MED25: variants seen among roughly 807,000 people sequenced by gnomAD.
The protein encoded by MED25 is mediator complex subunit 25.
In MED25, 62 loss-of-function variants were observed where a neutral mutation model predicts 89.4. The observed-to-expected ratio is 0.69, with a 90% CI of 0.57 to 0.86. The LOEUF (loss-of-function observed/expected upper bound fraction) is 0.86. Among genes scored for constraint, MED25 ranks in the 40% least tolerant of loss-of-function variants. MED25 has a pLI of 0.00. For missense variants in MED25, 905 were observed against 1,005.2 expected, an observed-to-expected ratio of 0.90 and a Z score of 1.35; for synonymous variants, 449 against 427.9, an observed-to-expected ratio of 1.05 and a Z score of -0.61.
In MED25 at chr19:49,832,175, GCCAGCCCTGCTGCCGGGCAGT is replaced by G; in HGVS notation, c.1374+21_1374+41del. ...AGCTGCTGGTGAGTGGCGGTGGAGGGCCAGCCCTGCTGCCGGGCAGTCCTCACCCTGCTGTCTCTTTCCTGT... is the reference window on the plus strand; with the variant it reads ...AGCTGCTGGTGAGTGGCGGTGGAGGGCCTCACCCTGCTGTCTCTTTCCTGT... On this transcript the variant is annotated intron_variant, in intron 12 of 17. Coordinates refer to ENST00000312865, the MANE Select transcript of MED25 (RefSeq NM_030973.4). The G allele has an allele frequency of 6.2e-7, 1 of 1,610,812 alleles. No homozygotes were observed. Among genetic ancestry groups the G allele is most frequent in the Middle Eastern group, 2.0e-4 (1 of 4,936 alleles).
downstream of MED25, among the ~76,000 whole-genome samples, chr19:49,837,404 G>A (rs1423848096): frequency 6.6e-6 from 1 of 152,254 alleles, no homozygotes; most frequent in Non-Finnish European, 1.5e-5. Flanking sequence ...TGGAGCATGA[G>A]CATGTAGGGA....
rs2074086791 is a variant in MED25 at position 49,835,215 on chromosome 19, C to G, written c.1674+38C>G. 1 of 1,611,436 alleles carries G rather than the reference C, an allele frequency of 6.2e-7. No homozygotes were observed. The highest frequency in any genetic ancestry group is 8.5e-7 in the Non-Finnish European group (1 of 1,178,012). On this transcript the variant is annotated intron_variant, in intron 14 of 17. Transcript: ENST00000312865. This position sits in a 1 kb window ranked among gnomAD's most constrained non-coding sequence, Gnocchi z 6.2. ...AGTCCCCAAACCAGCACTCCGACCC[C>G]CTCCTGCCCGGGCCCCACATGGCCC...
intron 13 of MED25, 44 bp downstream of exon 13, chr19:49,832,459 C>T (rs1481357286): frequency 8.8e-7 from 1 of 1,140,366 alleles, no homozygotes; most frequent in South Asian, 1.3e-5. Context: ...GACTCTTGTC[C>T]TGCTTTCTGC....
At chr19:49,832,443 G>T (rs1242849456) in intron 13 of MED25, 28 bp downstream of exon 13, 23 of 1,298,698 alleles carry the variant, frequency 1.8e-5, no homozygotes, top group Admixed American at 5.3e-5. Context: ...GGGGCCGAGG[G>T]GTGTTGACTC....
chr19:49,829,737 C>T lies in MED25; in HGVS notation c.526-49C>T. Reference sequence around the variant, plus strand: ...GTGGTAGGTTGGGGGCCGGCCCCAACACCCTTATGGAGGGGGCCCGTCATG... The same window carrying T: ...GTGGTAGGTTGGGGGCCGGCCCCAATACCCTTATGGAGGGGGCCCGTCATG... On this transcript the variant is annotated intron_variant, in intron 5 of 17. Transcript: ENST00000312865. The surrounding 1 kb of genome is among the most constrained non-coding windows in gnomAD (Gnocchi z 4.6). 2.6e-6 allele frequency: 4 copies of T among 1,542,954 alleles called. No individual in the cohort carries two copies. Among genetic ancestry groups the T allele is most frequent in the Non-Finnish European group, 1.8e-6 (2 of 1,139,502 alleles).
chr19:49,828,926 G>A, intron 4 of MED25, 44 bp from the exon 5 acceptor site: 1 of 1,612,440 alleles, frequency 6.2e-7, no homozygotes, highest in Non-Finnish European at 8.5e-7. Flanking sequence ...CCTTCTCAGG[G>A]CCTCTGTTGC....
chr19:49,831,354 G>T lies in MED25; in HGVS notation c.1123G>T (p.Gly375Trp). 1 of 1,611,200 alleles carries T rather than the reference G, an allele frequency of 6.2e-7. No individual in the cohort carries two copies. The highest frequency in any genetic ancestry group is 8.5e-7 in the Non-Finnish European group (1 of 1,179,002). ...PSMAGTVAPGGVSGPSPAQLG... is the reference protein window; with the variant it reads ...PSMAGTVAPGWVSGPSPAQLG... ...GCAGGCAGGCACTGTGGCCCCAGGA[G>T]GGGTGAGCGGCCCTTCCCCAGCCCA... The change falls in exon 10 of 18, where the codon GGG becomes TGG. Residue 375 changes from glycine to tryptophan, a missense_variant. Gly to Trp is a radical substitution (Grantham distance 184, BLOSUM62 -2). This residue lies in a region of MED25 where 501 missense variants were observed against 526.9 expected (regional missense o/e 0.95). Coordinates refer to ENST00000312865, the MANE Select transcript of MED25 (RefSeq NM_030973.4). The surrounding 1 kb of genome is among the most constrained non-coding windows in gnomAD (Gnocchi z 5.0).
At chr19:49,819,726 C>T (rs945881820) in intron 3 of MED25, 22 of 330,080 alleles carry the variant, frequency 6.7e-5, no homozygotes, top group African/African-American at 8.6e-5. Flanking sequence ...TCTCTTTTTC[C>T]GTCTACCCCT....
downstream of MED25, among the ~76,000 whole-genome samples, chr19:49,837,141 C>G (rs775106572): frequency 2.6e-5 from 4 of 152,114 alleles, no homozygotes; most frequent in South Asian, 2.1e-4. Context: ...CAACCTGATT[C>G]GTGGGAGATG....
At position 49,830,851 on chromosome 19, in the gene MED25, C is replaced by G. The variant is rs779070350; in HGVS notation, c.1065C>G (p.Gly355=). ...TCTCCACTGTGGCCCCTGGCTCCGG[C>G]CTGGCTCCCACGGCACAGCCCGGGG... The part of the protein sequence containing the change: ...SLVSTVAPGS[G]LAPTAQPGAP... The change falls in exon 9 of 18, where the codon GGC becomes GGG. Residue 355 remains glycine, a synonymous_variant. Coordinates refer to ENST00000312865, the MANE Select transcript of MED25 (RefSeq NM_030973.4). The surrounding 1 kb of genome is among the most constrained non-coding windows in gnomAD (Gnocchi z 4.6). The G allele has an allele frequency of 1.9e-6, 3 of 1,612,140 alleles. No homozygotes were observed. Among genetic ancestry groups the G allele is most frequent in the Non-Finnish European group, 2.5e-6 (3 of 1,179,860 alleles).
chr19:49,819,481 C>A, intron 3 of MED25, 185 bp downstream of exon 3: 1 of 653,198 alleles, frequency 1.5e-6, no homozygotes, highest in Non-Finnish European at 2.7e-6. Context: ...CTGCGAGGGG[C>A]CGTGAATGAG....
chr19:49,836,057 C>T lies in MED25; in HGVS notation c.1965+112C>T. 1.3e-6 allele frequency: 2 copies of T among 1,549,410 alleles called. No homozygotes were observed. Among genetic ancestry groups the T allele is most frequent in the Non-Finnish European group, 1.7e-6 (2 of 1,146,618 alleles). On this transcript the variant is annotated intron_variant, in intron 16 of 17. Transcript: ENST00000312865. The surrounding 1 kb of genome is among the most constrained non-coding windows in gnomAD (Gnocchi z 5.1). ...GTGGTCAGTGGGTGTGAATGGGGAC[C>T]CGCCCAGGGCTTTAGGCAGAAGGCA...
chr19:49,836,109 A>C lies in MED25; in HGVS notation c.1966-117A>C. The C allele has an allele frequency of 6.6e-7, 1 of 1,514,926 alleles. No homozygotes were observed. Among genetic ancestry groups the C allele is most frequent in the Non-Finnish European group, 9.0e-7 (1 of 1,112,676 alleles). 93.8% of individuals were successfully genotyped at this position (1,514,926 alleles called of 1,614,324 possible). ...ACCGCCTCCTCTCCGTCCATCCCCC[A>C]CCTTTGAAGAAAAACTTCCCCTCAC... On this transcript the variant is annotated intron_variant, in intron 16 of 17. Transcript: ENST00000312865. The surrounding 1 kb of genome is among the most constrained non-coding windows in gnomAD (Gnocchi z 5.1).
At chr19:49,820,205 C>G (rs899316500) in intron 3 of MED25, among the ~76,000 whole-genome samples, 4 of 152,178 alleles carry the variant, frequency 2.6e-5, no homozygotes, top group African/African-American at 9.7e-5. Flanking sequence ...CAGGCCCAAG[C>G]CGACTCACGT....
chr19:49,830,732 G>T lies in MED25; in HGVS notation c.946G>T (p.Val316Leu), dbSNP rs763175687. 1 of 1,613,946 alleles carries T rather than the reference G, an allele frequency of 6.2e-7. No homozygotes were observed. Among genetic ancestry groups the T allele is most frequent in the Non-Finnish European group, 8.5e-7 (1 of 1,179,968 alleles). The change falls in exon 9 of 18, where the codon GTG (valine) becomes TTG (leucine). Residue 316 changes from valine (V) to leucine (L), a missense_variant. Around this residue, in one of 3 missense-constraint regions of MED25, gnomAD observed 501 missense variants for 526.9 expected, o/e 0.95. Transcript: ENST00000312865. The surrounding 1 kb of genome is among the most constrained non-coding windows in gnomAD (Gnocchi z 4.6). The stretch of plus-strand genomic sequence containing the variant: ...CCCTCTCCAACAAGCTGCTCCCGGA[G>T]TGGGTCCCCCCTTCAGCCAGGCCCC... ...ITPLQQAAPGVGPPFSQAPAP... is the reference protein window; with the variant it reads ...ITPLQQAAPGLGPPFSQAPAP...
At chr19:49,838,166 C>T (rs1290389244), downstream of MED25, among the ~76,000 whole-genome samples, 1 of 152,180 alleles carries the variant, frequency 6.6e-6, no homozygotes, top group African/African-American at 2.4e-5. Context: ...ACGGGCCCCA[C>T]CCCAGGAGAG....
intron 3 of MED25, among the ~76,000 whole-genome samples, chr19:49,821,715 C>T (rs773573671): frequency 6.6e-6 from 1 of 151,088 alleles, no homozygotes; most frequent in Non-Finnish European, 1.5e-5. Context: ...TCTTGGGAGG[C>T]TGAGGCAGGA....
At chr19:49,825,471 C>T (rs928015147) in intron 3 of MED25, among the ~76,000 whole-genome samples, 1 of 152,012 alleles carries the variant, frequency 6.6e-6, no homozygotes, top group Non-Finnish European at 1.5e-5. Flanking sequence ...GTCTTGAACT[C>T]CTGACCTCAA....
intron 13 of MED25, 115 bp downstream of exon 13, chr19:49,832,530 T>A: frequency 1.4e-6 from 1 of 712,146 alleles, no homozygotes; most frequent in Middle Eastern, 2.9e-4. Context: ...GATGGTTGGG[T>A]GCACTTCATG....
Sources: gnomAD v4.1 joint callset for allele counts (sites outside exome capture counted in the v4.1 genomes callset) on GRCh38, gnomAD v4.1.1 for gene constraint, gnomAD v4.1.1 regional missense constraint, Gnocchi (gnomAD v3.1) non-coding constraint, MANE v1.5 for transcripts, NCBI Gene and HGNC (gene_info 2026-07-23, HGNC 2026-07-21) for gene names.